The following RGS6 variants were observed in gnomAD, a reference collection of about 807,000 sequenced individuals.
RGS6 encodes regulator of G-protein signaling 6.
A neutral mutation model predicts 78.5 loss-of-function variants in RGS6; 30 were observed. The ratio of observed to expected loss-of-function variants is 0.38; its 90% CI spans 0.29 to 0.52. The LOEUF (loss-of-function observed/expected upper bound fraction) is 0.52, where lower values mean the gene tolerates loss of function less well. Ranked by LOEUF, RGS6 falls within the 20% of genes least tolerant of loss-of-function variation. The pLI, the probability that RGS6 is intolerant of heterozygous loss-of-function variation, is 0.85. For missense variants in RGS6, 495 were observed against 609.7 expected (o/e 0.81, Z 1.98); for synonymous variants, 206 against 206.0 (o/e 1.00, Z 0.00).
intron 15 of RGS6, among the ~76,000 whole-genome samples, chr14:72,522,052 G>T (rs2097051286): frequency 1.3e-5 from 2 of 152,200 alleles, no homozygotes; most frequent in African/African-American, 4.8e-5. Context: ...GTAGCTACGT[G>T]TAAGGTCTGC....
At chr14:71,987,919 C>G (rs148905579) in intron 2 of RGS6, among the ~76,000 whole-genome samples, 240 of 122,114 alleles carry the variant, frequency 2.0e-3, no homozygotes, top group African/African-American at 6.4e-3. Flanking sequence ...ACTTTATGTG[C>G]TTTTTTCAAA....
At position 72,562,543 on chromosome 14, in the gene RGS6, G is replaced by A. The variant is rs1207505904; in HGVS notation, c.*76G>A. ...CGGCGGCGCTCCACATCTGCGGACA[G>A]AGTTTCCTTACGAGGAGACTTGGTC... On this transcript the variant is annotated 3_prime_UTR_variant, in exon 18 of 18. Coordinates refer to ENST00000553525, the MANE Select transcript of RGS6 (RefSeq NM_001204424.2). The A allele has an allele frequency of 6.3e-7, 1 of 1,594,316 alleles. No homozygotes were observed. The highest frequency in any genetic ancestry group is 2.3e-5 in the East Asian group (1 of 44,408).
chr14:72,456,974 C>G (rs989170566), intron 4 of RGS6, among the ~76,000 whole-genome samples: 1 of 150,144 alleles, frequency 6.7e-6, no homozygotes, highest in African/African-American at 2.5e-5. Context: ...GTTCCAGCTA[C>G]TTGGGAGGCT....
chr14:72,474,821 A>T (rs112678266), intron 10 of RGS6, 122 bp downstream of exon 10: 2 of 805,894 alleles, frequency 2.5e-6, no homozygotes, highest in Non-Finnish European at 3.9e-6. Flanking sequence ...AACCATAACC[A>T]TTTCACAAAT....
intron 17 of RGS6, among the ~76,000 whole-genome samples, chr14:72,553,111 G>A (rs1373929511): frequency 6.6e-6 from 1 of 152,240 alleles, no homozygotes; most frequent in African/African-American, 2.4e-5. Flanking sequence ...TCTGTGTTCA[G>A]TGTATGGTGT....
intron 3 of RGS6, among the ~76,000 whole-genome samples, chr14:72,369,540 A>G (rs2083063081): frequency 6.6e-6 from 1 of 152,240 alleles, no homozygotes; most frequent in South Asian, 2.1e-4. Flanking sequence ...TTTAAAGTAG[A>G]TGACACAATG....
chr14:72,043,183 CT>C (rs1240236540), intron 2 of RGS6, among the ~76,000 whole-genome samples: 1 of 151,940 alleles, frequency 6.6e-6, no homozygotes, highest in East Asian at 1.9e-4. Flanking sequence ...ATATTTTCCC[CT>C]GATTCGTAGT....
intron 2 of RGS6, among the ~76,000 whole-genome samples, chr14:71,989,543 C>T (rs1291045375): frequency 2.0e-5 from 3 of 152,214 alleles, no homozygotes; most frequent in Non-Finnish European, 1.5e-5. Context: ...ATATCTATTT[C>T]TGCTTTGTAA....
rs2092776612 is a variant in RGS6, at chr14:71,956,256, G to C, written c.-20-8516G>C. Among the ~76,000 whole-genome samples, 5 of 152,154 alleles carry C rather than the reference G, an allele frequency of 3.3e-5. No individual in the cohort carries two copies. In the Middle Eastern group the frequency reaches 0.01, roughly 311 times the overall value. ...GTTGGTGGATAGTTGGGTTCCATCAGTGTTGGAATTTGGTAAGGATAGTGT... is the reference window on the plus strand; with the variant it reads ...GTTGGTGGATAGTTGGGTTCCATCACTGTTGGAATTTGGTAAGGATAGTGT... On this transcript the variant is annotated intron_variant, in intron 1 of 17. Transcript: ENST00000553525.
intron 6 of RGS6, among the ~76,000 whole-genome samples, chr14:72,464,873 C>A (rs2095862803): frequency 6.6e-6 from 1 of 152,176 alleles, no homozygotes; most frequent in Non-Finnish European, 1.5e-5. Flanking sequence ...ATGGTGCTAG[C>A]AACAGGGATG....
At chr14:72,099,137 A>C (rs1303049351) in intron 2 of RGS6, among the ~76,000 whole-genome samples, 2 of 152,142 alleles carry the variant, frequency 1.3e-5, no homozygotes, top group Non-Finnish European at 2.9e-5. Context: ...TGCTTTTACT[A>C]TCTCCATCTT....
chr14:72,602,036 T>C, the RGS6 span, among the ~76,000 whole-genome samples: 1 of 152,252 alleles, frequency 6.6e-6, no homozygotes, highest in East Asian at 1.9e-4. Flanking sequence ...TGGGAGCCTG[T>C]TGTGTACCAG....
At chr14:72,364,365 A>G (rs1034234922) in intron 3 of RGS6, among the ~76,000 whole-genome samples, 1 of 152,226 alleles carries the variant, frequency 6.6e-6, no homozygotes, top group African/African-American at 2.4e-5. Flanking sequence ...GTTGAAACGC[A>G]TTAATACATG....
At chr14:72,374,552 GC>G (rs1383181139) in intron 3 of RGS6, among the ~76,000 whole-genome samples, 6 of 152,118 alleles carry the variant, frequency 3.9e-5, no homozygotes, top group African/African-American at 1.4e-4. Flanking sequence ...TTTCAGTACT[GC>G]CCCCAGCTAC....
At chr14:72,344,888 C>T (rs1023085179) in intron 2 of RGS6, among the ~76,000 whole-genome samples, 5 of 152,192 alleles carry the variant, frequency 3.3e-5, no homozygotes, top group African/African-American at 1.2e-4. Flanking sequence ...GCTTCAGGGC[C>T]TGCCCAACCA....
At chr14:72,053,069 C>T (rs1374372303) in intron 2 of RGS6, among the ~76,000 whole-genome samples, 1 of 20,586 alleles carries the variant, frequency 4.9e-5, no homozygotes, top group Non-Finnish European at 7.5e-5. Flanking sequence ...CCCTCCCTCC[C>T]TCCCTCCCTC....
At chr14:71,889,969 A>G in the RGS6 span, among the ~76,000 whole-genome samples, 2 of 152,026 alleles carry the variant, frequency 1.3e-5, no homozygotes, top group Non-Finnish European at 2.9e-5. Context: ...AATGGCAAAA[A>G]CTGTGATTAC....
intron 2 of RGS6, among the ~76,000 whole-genome samples, chr14:71,966,694 G>A (rs1172463712): frequency 1.3e-5 from 2 of 152,140 alleles, no homozygotes; most frequent in Non-Finnish European, 2.9e-5. Context: ...TAGATAAATC[G>A]AATGAGGCAT....
At chr14:72,550,595 C>G (rs2097491308) in intron 17 of RGS6, 1 of 1,534,964 alleles carries the variant, frequency 6.5e-7, no homozygotes, top group Admixed American at 2.0e-5. Context: ...TGGGGGAATT[C>G]TGATACGTGC....
Sources: gnomAD v4.1 joint callset for allele counts (sites outside exome capture counted in the v4.1 genomes callset) on GRCh38, gnomAD v4.1.1 for gene constraint, MANE v1.5 for transcripts, NCBI Gene and HGNC (gene_info 2026-07-23, HGNC 2026-07-21) for gene names.